The following CLTC variants were observed in gnomAD, a reference collection of about 807,000 sequenced individuals.
CLTC encodes clathrin heavy chain, also known as clathrin heavy chain 1.
Under a neutral mutation model 195.8 loss-of-function variants are expected in CLTC, and 16 were observed. That is an observed-to-expected ratio of 0.08 (90% CI 0.06 to 0.12). The LOEUF is 0.12. CLTC is among the 10% of genes least tolerant of loss of function. The pLI is 1.00. For missense variants in CLTC, 796 were observed against 2,027.0 expected (o/e 0.39, Z 11.66); for synonymous variants, 667 against 689.4 (o/e 0.97, Z 0.51).
chr17:59,638,325 G>T (rs1454673440), intron 1 of CLTC, among the ~76,000 whole-genome samples: 3 of 151,876 alleles, frequency 2.0e-5, no homozygotes, highest in African/African-American at 7.3e-5. Flanking sequence ...GACAGAGCAA[G>T]ACCCTGTCTC....
intron 1 of CLTC, among the ~76,000 whole-genome samples, chr17:59,640,340 C>T (rs1468716585): frequency 1.3e-5 from 2 of 151,980 alleles, no homozygotes; most frequent in Admixed American, 1.3e-4. Context: ...ATCTTACCTA[C>T]CTTATTTGAA....
At position 59,688,607 on chromosome 17, in the gene CLTC, C is replaced by T. The variant is rs576601617; in HGVS notation, c.4828-2029C>T. On this transcript the variant is annotated intron_variant, in intron 30 of 31. Coordinates refer to ENST00000269122, the MANE Select transcript of CLTC (RefSeq NM_004859.4). Reference sequence around the variant, plus strand: ...TGTCCCATTATATAGAAGAATCAAACTTTTTGCTTAGCTTGATGCTATTCC... The same window carrying T: ...TGTCCCATTATATAGAAGAATCAAATTTTTTGCTTAGCTTGATGCTATTCC... Among the ~76,000 whole-genome samples the T allele has an allele frequency of 6.6e-5, 10 of 152,232 alleles. No homozygotes were observed. In the East Asian group the frequency reaches 1.9e-3, roughly 29 times the overall value.
rs762067815 is a variant in CLTC at position 59,666,681 on chromosome 17, G to A, written c.1947+37G>A. The A allele has an allele frequency of 5.0e-6, 8 of 1,585,948 alleles. No homozygotes were observed. The East Asian group carries it at 1.8e-4, about 36-fold the overall frequency. ...TCTTACCTAATAGATGGTGTTAGTTGTGATTAATAGGTACACTGAAAATGT... is the reference window on the plus strand; with the variant it reads ...TCTTACCTAATAGATGGTGTTAGTTATGATTAATAGGTACACTGAAAATGT... On this transcript the variant is annotated intron_variant, in intron 12 of 31. Coordinates refer to ENST00000269122, the MANE Select transcript of CLTC (RefSeq NM_004859.4). This position sits in a 1 kb window ranked among gnomAD's most constrained non-coding sequence, Gnocchi z 4.9.
chr17:59,695,458 C>G lies in CLTC; in HGVS notation c.*1606C>G, dbSNP rs940856579. ...ATTGCTTGAGGCCAGGAGTTCGAGACAAGCCTGACCAACATGGTGACTCCA... is the reference window on the plus strand; with the variant it reads ...ATTGCTTGAGGCCAGGAGTTCGAGAGAAGCCTGACCAACATGGTGACTCCA... On this transcript the variant is annotated 3_prime_UTR_variant, in exon 32 of 32. Transcript: ENST00000269122. The G allele has an allele frequency of 1.1e-5, 2 of 176,986 alleles. No individual in the cohort carries two copies. The highest frequency in any genetic ancestry group is 6.3e-5 in the Admixed American group (1 of 15,818). The allele number at this position is 176,986 out of a possible 1,614,324, so 11.0% of individuals were successfully genotyped here. A position where few individuals can be genotyped will look rare whatever the true frequency, so the allele number is the denominator to read the frequency against.
intron 16 of CLTC, among the ~76,000 whole-genome samples, chr17:59,676,045 G>GT (rs1308386997): frequency 2.0e-5 from 3 of 152,156 alleles, no homozygotes; most frequent in African/African-American, 7.2e-5. Context: ...TAAATCATTG[G>GT]TAAAAGAGGC....
At chr17:59,693,360 CTTTTTT>C (rs56119322) in intron 31 of CLTC, among the ~76,000 whole-genome samples, 23 of 136,726 alleles carry the variant, frequency 1.7e-4, no homozygotes, top group East Asian at 6.4e-4. Flanking sequence ...GAGCCAGATT[CTTTTTT>C]TTTTTTTTTT....
At chr17:59,649,226 A>T (rs896615768) in intron 4 of CLTC, among the ~76,000 whole-genome samples, 2 of 152,204 alleles carry the variant, frequency 1.3e-5, no homozygotes, top group Admixed American at 1.3e-4. Context: ...ATGAGGAGAA[A>T]TAATGGAAAA....
chr17:59,628,534 C>T (rs1167254414), intron 1 of CLTC, among the ~76,000 whole-genome samples: 3 of 152,194 alleles, frequency 2.0e-5, no homozygotes, highest in Admixed American at 6.5e-5. Flanking sequence ...CTTGAAGTTA[C>T]ACCAGACTCT....
At chr17:59,692,182 T>C (rs1022117897) in intron 31 of CLTC, among the ~76,000 whole-genome samples, 1 of 152,178 alleles carries the variant, frequency 6.6e-6, no homozygotes, top group Non-Finnish European at 1.5e-5. Context: ...CTGGGCATGG[T>C]GGCATGCAAC....
chr17:59,670,328 C>T (rs1413390561), intron 14 of CLTC, among the ~76,000 whole-genome samples: 1 of 150,886 alleles, frequency 6.6e-6, no homozygotes, highest in Non-Finnish European at 1.5e-5. Flanking sequence ...GGTGCGTGGG[C>T]AGGTTTGTTA....
At chr17:59,662,706 T>C (rs1278918209) in intron 8 of CLTC, among the ~76,000 whole-genome samples, 2 of 152,198 alleles carry the variant, frequency 1.3e-5, no homozygotes, top group African/African-American at 2.4e-5. Context: ...TACATCAGAT[T>C]TGGGATACTT....
At position 59,648,776 on chromosome 17, in the gene CLTC, G is replaced by A. The variant is rs2032257775; in HGVS notation, c.681+375G>A. ...GTGGCGCAGTCATGGGCTCACTGCA[G>A]CCTCGACCTTCTGGGCTCAAGTGAT... is the stretch of plus-strand genomic sequence containing the variant. On this transcript the variant is annotated intron_variant, in intron 4 of 31. Coordinates refer to ENST00000269122, the MANE Select transcript of CLTC (RefSeq NM_004859.4). This position sits in a 1 kb window ranked among gnomAD's most constrained non-coding sequence, Gnocchi z 4.5. 6.1e-6 allele frequency: 1 copy of A among 164,998 alleles called. No homozygotes were observed. Among genetic ancestry groups the A allele is most frequent in the African/African-American group, 2.4e-5 (1 of 41,600 alleles). The allele number at this position is 164,998 out of a possible 1,614,324, so 10.2% of individuals were successfully genotyped here.
intron 18 of CLTC, among the ~76,000 whole-genome samples, chr17:59,679,946 A>G (rs1194586772): frequency 1.3e-5 from 2 of 151,792 alleles, no homozygotes; most frequent in African/African-American, 2.4e-5. Flanking sequence ...AATCCCAGCT[A>G]CTCGGCAGGA....
chr17:59,659,594 G>A (rs1007485981), intron 6 of CLTC, among the ~76,000 whole-genome samples: 6 of 151,606 alleles, frequency 4.0e-5, no homozygotes, highest in African/African-American at 1.5e-4. Flanking sequence ...ACAGGCGCGT[G>A]CCACCATGCC....
chr17:59,687,461 A>G (rs1342099193), intron 30 of CLTC, among the ~76,000 whole-genome samples: 1 of 151,524 alleles, frequency 6.6e-6, no homozygotes, highest in Admixed American at 6.6e-5. Context: ...ATATGTATAT[A>G]TACATGCCCT....
chr17:59,636,245 C>A (rs1196967776), intron 1 of CLTC, among the ~76,000 whole-genome samples: 1 of 152,140 alleles, frequency 6.6e-6, no homozygotes, highest in Admixed American at 6.5e-5. Flanking sequence ...TGTGTTAAAT[C>A]ACCTTAACCT....
chr17:59,673,885 A>C, intron 15 of CLTC, 113 bp downstream of exon 15: 1 of 629,632 alleles, frequency 1.6e-6, no homozygotes, highest in Non-Finnish European at 2.7e-6. Context: ...GCAGCTTTTA[A>C]CGTGGGATTT....
At chr17:59,680,766 T>C in intron 18 of CLTC, 146 bp from the exon 19 acceptor site, 2 of 564,752 alleles carry the variant, frequency 3.5e-6, no homozygotes, top group Non-Finnish European at 6.2e-6. Context: ...TAGATTTGTG[T>C]AGAAAGACCT....
Position 59,620,123 on chromosome 17 carries a change from G to A in CLTC, c.-9G>A, listed in dbSNP as rs943222118. ...GTGACAGGAGGAGACCATAACCCCC[G>A]ACAGCGCCATGGCCCAGATTCTGCC... On this transcript the variant is annotated 5_prime_UTR_variant, in exon 1 of 32. Coordinates refer to ENST00000269122, the MANE Select transcript of CLTC (RefSeq NM_004859.4). 9.3e-6 allele frequency: 15 copies of A among 1,613,984 alleles called. No homozygotes were observed. Among genetic ancestry groups the A allele is most frequent in the Non-Finnish European group, 1.3e-5 (15 of 1,179,952 alleles).
Sources: allele counts gnomAD v4.1 joint callset (sites outside exome capture counted in the v4.1 genomes callset), GRCh38; gene constraint gnomAD v4.1.1; non-coding constraint Gnocchi (gnomAD v3.1); transcripts MANE v1.5; gene names NCBI Gene and HGNC (gene_info 2026-07-23, HGNC 2026-07-21).